Variants in GALNTL6 observed in about 807,000 individuals in gnomAD.
GALNTL6 encodes the protein polypeptide N-acetylgalactosaminyltransferase-like 6.
Under a neutral mutation model 73.7 loss-of-function variants are expected in GALNTL6, and 46 were observed. The observed-to-expected ratio is 0.62, with a 90% CI of 0.49 to 0.80. GALNTL6 has a LOEUF of 0.80. Ranked by LOEUF, GALNTL6 falls within the 30% of genes least tolerant of loss-of-function variation. GALNTL6 has a pLI of 0.00. For missense variants in GALNTL6, 604 were observed against 755.0 expected (o/e 0.80, Z 2.34); for synonymous variants, 259 against 263.7 (o/e 0.98, Z 0.17).
At chr4:172,961,157 T>G (rs1225106617) in intron 10 of GALNTL6, among the ~76,000 whole-genome samples, 1 of 68,114 alleles carries the variant, frequency 1.5e-5, no homozygotes, top group Non-Finnish European at 2.7e-5. Flanking sequence ...GGAGAAGGGG[T>G]AGAGACACAG....
chr4:172,440,297 G>A (rs963619299), intron 5 of GALNTL6, among the ~76,000 whole-genome samples: 5 of 151,870 alleles, frequency 3.3e-5, no homozygotes, highest in South Asian at 2.1e-4. Context: ...AATATTATTC[G>A]GTGCTAAAAA....
At chr4:172,642,534 A>G (rs1032153512) in intron 5 of GALNTL6, among the ~76,000 whole-genome samples, 5 of 152,026 alleles carry the variant, frequency 3.3e-5, no homozygotes, top group African/African-American at 9.7e-5. Flanking sequence ...TCAAATTTAT[A>G]GAAGTAAAAA....
At chr4:172,228,172 T>TA (rs990666697) in intron 2 of GALNTL6, among the ~76,000 whole-genome samples, 3 of 152,170 alleles carry the variant, frequency 2.0e-5, no homozygotes, top group Non-Finnish European at 4.4e-5. Flanking sequence ...GTTTGCTATA[T>TA]ATCCCCAAAA....
chr4:172,808,364 A>T (rs1246867604), intron 5 of GALNTL6, among the ~76,000 whole-genome samples: 1 of 152,222 alleles, frequency 6.6e-6, no homozygotes, highest in East Asian at 1.9e-4. Flanking sequence ...ACTGCTACAG[A>T]TCATGCAAAG....
At chr4:172,053,135 C>T (rs1036265686) in intron 2 of GALNTL6, among the ~76,000 whole-genome samples, 2 of 152,102 alleles carry the variant, frequency 1.3e-5, no homozygotes, top group Non-Finnish European at 2.9e-5. Context: ...CGTCTAATTA[C>T]CATTTTCATT....
chr4:171,946,541 G>C lies in GALNTL6; in HGVS notation c.138+131823G>C, dbSNP rs138179791. On this transcript the variant is annotated intron_variant, in intron 2 of 12. Transcript: ENST00000506823. The stretch of plus-strand genomic sequence containing the variant: ...CTCTGAGCTGCGTATTGCACAGTAG[G>C]CATTCAGTAAGCCTCATCGAGCTCG... Among the ~76,000 whole-genome samples the C allele has an allele frequency of 1.7e-3, 262 of 152,286 alleles. 2 individuals carry two copies. Among genetic ancestry groups the C allele is most frequent in the Admixed American group, 0.012 (179 of 15,296 alleles).
chr4:172,199,216 G>A (rs1735877555), intron 2 of GALNTL6, among the ~76,000 whole-genome samples: 1 of 152,102 alleles, frequency 6.6e-6, no homozygotes, highest in African/African-American at 2.4e-5. Context: ...ACTTCTCTTT[G>A]TGTTCTTCAT....
At position 171,838,238 on chromosome 4, in the gene GALNTL6, C is replaced by T. The variant is rs1392949222; in HGVS notation, c.138+23520C>T. On this transcript the variant is annotated intron_variant, in intron 2 of 12. Transcript: ENST00000506823. ...TCCCAGGTTCAAGCAATTCTCCTGA[C>T]TCAGCCTCCCAAGAAGCTGGGGTTA... 2.0e-5 allele frequency among the ~76,000 whole-genome samples: 3 copies of T among 152,050 alleles called. No homozygotes were observed. In the East Asian group the frequency reaches 5.8e-4, roughly 29 times the overall value.
rs142589192 is a variant in GALNTL6 at position 172,309,488 on chromosome 4, G to A, written c.248-2126G>A. ...GTACTAGAAATATTATTTCTTAAAT[G>A]ATGAGTTATAGATGCATATTATTAG... On this transcript the variant is annotated intron_variant, in intron 3 of 12. Transcript: ENST00000506823. Among the ~76,000 whole-genome samples, 348 of 152,066 alleles carry A rather than the reference G, an allele frequency of 2.3e-3. 1 individual carries two copies. Among genetic ancestry groups the A allele is most frequent in the Admixed American group, 4.5e-3 (68 of 15,272 alleles).
At chr4:172,607,390 C>T (rs917327902) in intron 5 of GALNTL6, among the ~76,000 whole-genome samples, 4 of 151,948 alleles carry the variant, frequency 2.6e-5, no homozygotes, top group East Asian at 3.9e-4. Flanking sequence ...TGAAAACATA[C>T]GGTATTTGGT....
intron 5 of GALNTL6, among the ~76,000 whole-genome samples, chr4:172,761,471 A>G (rs983674048): frequency 1.3e-5 from 2 of 152,172 alleles, no homozygotes; most frequent in Non-Finnish European, 2.9e-5. Context: ...TTTGATGTCT[A>G]TATGTTTGAT....
At chr4:172,321,248 G>A (rs1456898045) in intron 4 of GALNTL6, among the ~76,000 whole-genome samples, 1 of 152,008 alleles carries the variant, frequency 6.6e-6, no homozygotes, top group African/African-American at 2.4e-5. Context: ...TGGGGGTTGG[G>A]GGTTGGGGAC....
intron 2 of GALNTL6, among the ~76,000 whole-genome samples, chr4:171,931,360 T>C (rs1407832648): frequency 6.6e-6 from 1 of 152,138 alleles, no homozygotes; most frequent in East Asian, 1.9e-4. Context: ...CTTTCACTCA[T>C]AATATGGGTC....
intron 5 of GALNTL6, among the ~76,000 whole-genome samples, chr4:172,753,493 A>AT (rs796913881): frequency 2.4e-4 from 37 of 152,342 alleles, no homozygotes; most frequent in African/African-American, 8.9e-4. Context: ...ATCTTGGACA[A>AT]TATCACTTGA....
At position 172,909,294 on chromosome 4, in the gene GALNTL6, C is replaced by T. The variant is rs146697528; in HGVS notation, c.1042-21867C>T. ...ACAAGAATTAGAATAGAGATAGTCTCCTAAGTGTGTTTTAAAAAAAAAAAA... is the reference window on the plus strand; with the variant it reads ...ACAAGAATTAGAATAGAGATAGTCTTCTAAGTGTGTTTTAAAAAAAAAAAA... On this transcript the variant is annotated intron_variant, in intron 8 of 12. Transcript: ENST00000506823. Among the ~76,000 whole-genome samples the T allele has an allele frequency of 2.6e-3, 390 of 149,738 alleles. 2 individuals are homozygous for T. Among genetic ancestry groups the T allele is most frequent in the Middle Eastern group, 0.017 (5 of 290 alleles).
chr4:171,934,848 TA>T (rs986429890), intron 2 of GALNTL6, among the ~76,000 whole-genome samples: 2 of 152,196 alleles, frequency 1.3e-5, no homozygotes, highest in African/African-American at 4.8e-5. Flanking sequence ...AATTTCTCTT[TA>T]AATCTGCTTG....
chr4:172,810,081 C>T (rs1209705773), intron 6 of GALNTL6, among the ~76,000 whole-genome samples: 1 of 151,968 alleles, frequency 6.6e-6, no homozygotes, highest in Non-Finnish European at 1.5e-5. Flanking sequence ...TTATTCTCTC[C>T]ACTTCTGGCA....
At chr4:172,553,306 C>T (rs1241464351) in intron 5 of GALNTL6, among the ~76,000 whole-genome samples, 1 of 152,128 alleles carries the variant, frequency 6.6e-6, no homozygotes, top group African/African-American at 2.4e-5. Context: ...GAAATAAAGC[C>T]TTTCTTTTCT....
chr4:172,065,792 G>A (rs775337970), intron 2 of GALNTL6, among the ~76,000 whole-genome samples: 54 of 152,166 alleles, frequency 3.5e-4, no homozygotes, highest in Non-Finnish European at 5.6e-4. Flanking sequence ...TTACAATCAC[G>A]GCAGAAGGCA....
Sources: allele counts gnomAD v4.1 joint callset (sites outside exome capture counted in the v4.1 genomes callset), GRCh38; gene constraint gnomAD v4.1.1; transcripts MANE v1.5; gene names NCBI Gene and HGNC (gene_info 2026-07-23, HGNC 2026-07-21).